The following TENM2 variants were observed in gnomAD, a reference collection of about 807,000 sequenced individuals.
TENM2 encodes the protein teneurin-2.
In TENM2, 52 loss-of-function variants were observed where a neutral mutation model predicts 245.2. That is an observed-to-expected ratio of 0.21 (90% CI 0.17 to 0.27). TENM2 has a LOEUF of 0.27. Ranked by LOEUF, TENM2 falls within the 10% of genes least tolerant of loss-of-function variation. The pLI, the probability that TENM2 is intolerant of heterozygous loss-of-function variation, is 1.00. For missense variants in TENM2, 3,046 were observed against 3,666.8 expected (o/e 0.83, Z 4.37); for synonymous variants, 1,363 against 1,438.9 (o/e 0.95, Z 1.19).
At chr5:167,746,251 A>G (rs922386705) in intron 2 of TENM2, among the ~76,000 whole-genome samples, 8 of 152,288 alleles carry the variant, frequency 5.3e-5, no homozygotes, top group East Asian at 3.9e-4. Context: ...GGCTCACCCT[A>G]CAGCCATACT....
chr5:167,331,892 G>T (rs1757481296), intron 1 of TENM2, among the ~76,000 whole-genome samples: 1 of 151,936 alleles, frequency 6.6e-6, no homozygotes, highest in South Asian at 2.1e-4. Context: ...AAATTGAGGG[G>T]GCACCTGGCA....
At chr5:168,021,389 G>A (rs1786129290) in intron 5 of TENM2, among the ~76,000 whole-genome samples, 1 of 152,226 alleles carries the variant, frequency 6.6e-6, no homozygotes, top group Admixed American at 6.5e-5. Flanking sequence ...CCAAAGTGGA[G>A]TGACCCATGG....
chr5:167,061,420 A>G, the TENM2 span, among the ~76,000 whole-genome samples: 1 of 152,194 alleles, frequency 6.6e-6, no homozygotes, highest in Non-Finnish European at 1.5e-5. Context: ...TGCAATTTGC[A>G]ATGGACACAG....
At chr5:166,994,785 C>G in the TENM2 span, among the ~76,000 whole-genome samples, 1 of 152,116 alleles carries the variant, frequency 6.6e-6, no homozygotes, top group African/African-American at 2.4e-5. Flanking sequence ...TCTTGAGCCA[C>G]CCTGCTTGTC....
chr5:167,208,085 T>C, the TENM2 span, among the ~76,000 whole-genome samples: 1 of 152,164 alleles, frequency 6.6e-6, no homozygotes, highest in Non-Finnish European at 1.5e-5. Flanking sequence ...TAGTCTTTCA[T>C]TGCATTTAAT....
At position 168,030,386 on chromosome 5, in the gene TENM2, T is replaced by C. The variant is rs147967712; in HGVS notation, c.1187-17041T>C. ...TCATGTTCTCTTTCATTAATTGCTG[T>C]CAGCCAAGCCTTGTGCAATACCTGT... On this transcript the variant is annotated intron_variant, in intron 5 of 28. Coordinates refer to ENST00000518659, the Ensembl canonical transcript of TENM2. Among the ~76,000 whole-genome samples, 53 of 152,144 alleles carry C rather than the reference T, an allele frequency of 3.5e-4. 1 individual carries two copies. The East Asian group carries it at 8.1e-3, about 23-fold the overall frequency.
At chr5:167,554,922 T>TG (rs1562050766) in intron 2 of TENM2, among the ~76,000 whole-genome samples, 1 of 152,156 alleles carries the variant, frequency 6.6e-6, no homozygotes, top group South Asian at 2.1e-4. Context: ...GACAGATGCT[T>TG]GGGGGGAGTG....
the TENM2 span, among the ~76,000 whole-genome samples, chr5:167,223,860 G>A: frequency 6.6e-6 from 1 of 151,874 alleles, no homozygotes; most frequent in Non-Finnish European, 1.5e-5. Flanking sequence ...GATATTTGTT[G>A]TCATTTTTTA....
At chr5:167,036,637 T>C in the TENM2 span, among the ~76,000 whole-genome samples, 1 of 152,220 alleles carries the variant, frequency 6.6e-6, no homozygotes, top group African/African-American at 2.4e-5. Flanking sequence ...AATTGAGACG[T>C]CCTTTCATGA....
intron 2 of TENM2, among the ~76,000 whole-genome samples, chr5:167,737,318 C>A (rs1760870575): frequency 6.6e-6 from 1 of 152,178 alleles, no homozygotes; most frequent in Non-Finnish European, 1.5e-5. Context: ...CATCTTTCTT[C>A]TGATCAGAAC....
Position 167,438,639 on chromosome 5 carries a change from C to T in TENM2, c.502+63166C>T, listed in dbSNP as rs370331768. The stretch of plus-strand genomic sequence containing the variant: ...GTCTCGATCTCCTGACCTCGTGATT[C>T]GTCCGCCTTGGCCTCCCAAAGTGCT... On this transcript the variant is annotated intron_variant, in intron 2 of 28. Transcript: ENST00000518659. 2.6e-3 allele frequency among the ~76,000 whole-genome samples: 399 copies of T among 152,212 alleles called. 14 individuals carry two copies. In the South Asian group the frequency reaches 0.08, roughly 31 times the overall value.
chr5:167,734,205 C>G (rs901109918), intron 2 of TENM2, among the ~76,000 whole-genome samples: 1 of 152,102 alleles, frequency 6.6e-6, no homozygotes, highest in African/African-American at 2.4e-5. Flanking sequence ...GTATCCATGG[C>G]CCTTTGGGGT....
exon 21 of TENM2, chr5:168,215,137 T>C: frequency 6.2e-7 from 1 of 1,613,808 alleles, no homozygotes; most frequent in Non-Finnish European, 8.5e-7. Context: ...CCGCGTCAAG[T>C]CTCTGAGTGG....
At chr5:167,419,182 C>T (rs1763344807) in intron 2 of TENM2, among the ~76,000 whole-genome samples, 1 of 122,906 alleles carries the variant, frequency 8.1e-6, no homozygotes, top group African/African-American at 2.8e-5. Flanking sequence ...TGTTGGTAGG[C>T]CAGGTAAGGT....
chr5:167,472,221 G>A (rs1004826587), intron 2 of TENM2, among the ~76,000 whole-genome samples: 8 of 152,104 alleles, frequency 5.3e-5, no homozygotes, highest in African/African-American at 1.9e-4. Context: ...TTAAAAATGA[G>A]AGTTGTGAGA....
upstream of TENM2, among the ~76,000 whole-genome samples, chr5:167,283,496 C>G (rs1206648503): frequency 1.3e-5 from 2 of 152,162 alleles, no homozygotes; most frequent in Admixed American, 6.5e-5. Flanking sequence ...TACTTGGCTT[C>G]TGGTGTCTGC....
intron 2 of TENM2, among the ~76,000 whole-genome samples, chr5:167,796,338 T>G (rs923919576): frequency 6.6e-6 from 1 of 152,242 alleles, no homozygotes; most frequent in Non-Finnish European, 1.5e-5. Flanking sequence ...TGATCTACTC[T>G]GCAGCTTTAA....
At chr5:167,651,981 C>G (rs1022854037) in intron 2 of TENM2, among the ~76,000 whole-genome samples, 10 of 152,202 alleles carry the variant, frequency 6.6e-5, no homozygotes, top group Non-Finnish European at 8.8e-5. Context: ...TCTCCCACTA[C>G]TTAATTGTCT....
intron 13 of TENM2, among the ~76,000 whole-genome samples, chr5:168,188,347 A>G (rs1760657055): frequency 6.6e-6 from 1 of 152,200 alleles, no homozygotes. Flanking sequence ...CTTGCTATCA[A>G]ATCCAGGAGG....
Sources: gnomAD v4.1 joint callset for allele counts (sites outside exome capture counted in the v4.1 genomes callset) on GRCh38, gnomAD v4.1.1 for gene constraint, MANE v1.5 for transcripts, NCBI Gene and HGNC (gene_info 2026-07-23, HGNC 2026-07-21) for gene names.